TLK1: variants seen among roughly 807,000 people sequenced by gnomAD.
TLK1 encodes tousled like kinase 1.
Under a neutral mutation model 105.3 loss-of-function variants are expected in TLK1, and 24 were observed. The observed-to-expected ratio is 0.23, with a 90% CI of 0.17 to 0.32. The LOEUF is 0.32. Among genes scored for constraint, TLK1 ranks in the 10% least tolerant of loss-of-function variants. The pLI, the probability that TLK1 is intolerant of heterozygous loss-of-function variation, is 1.00. For missense variants in TLK1, 558 were observed against 910.5 expected (o/e 0.61, Z 4.98); for synonymous variants, 321 against 310.4 (o/e 1.03, Z -0.36).
intron 1 of TLK1, among the ~76,000 whole-genome samples, chr2:171,173,328 C>T (rs886735549): frequency 2.6e-5 from 4 of 152,182 alleles, no homozygotes; most frequent in East Asian, 1.9e-4. Flanking sequence ...GTGACTCATA[C>T]GGATCACATA....
intron 1 of TLK1, among the ~76,000 whole-genome samples, chr2:171,202,069 T>C (rs1056127382): frequency 9.2e-5 from 14 of 152,346 alleles, no homozygotes; most frequent in African/African-American, 3.1e-4. Context: ...GAGTTCTTAC[T>C]ATGCCTAAAA....
intron 1 of TLK1, among the ~76,000 whole-genome samples, chr2:171,132,917 C>A (rs1420802656): frequency 1.3e-5 from 2 of 152,180 alleles, no homozygotes; most frequent in African/African-American, 4.8e-5. Context: ...ACACAGTTAA[C>A]TCTCAGCAAC....
chr2:171,192,862 T>G (rs1693182234), intron 1 of TLK1, among the ~76,000 whole-genome samples: 1 of 152,194 alleles, frequency 6.6e-6, no homozygotes, highest in Non-Finnish European at 1.5e-5. Flanking sequence ...AGAAGGGTCT[T>G]GAACCTGTTC....
chr2:171,217,953 T>A (rs953115335), intron 1 of TLK1, among the ~76,000 whole-genome samples: 1 of 152,150 alleles, frequency 6.6e-6, no homozygotes, highest in Non-Finnish European at 1.5e-5. Flanking sequence ...AAACTTGGTG[T>A]ATTAAAACAA....
At position 171,050,091 on chromosome 2, in the gene TLK1, T is replaced by C. The variant is rs1241031218; in HGVS notation, c.816A>G (p.Ser272=). 5.0e-6 allele frequency: 8 copies of C among 1,601,290 alleles called. No individual in the cohort carries two copies. Among genetic ancestry groups the C allele is most frequent in the Non-Finnish European group, 6.8e-6 (8 of 1,172,258 alleles). Residue 272 remains serine, a synonymous_variant, in exon 9 of 21, where the codon TCA becomes TCG. Transcript: ENST00000431350. ...TTTCAATAAGAAGTTTCTTGCTCAT[T>C]GATATGCACTTATTTAATCGTTCTT... The part of the protein sequence containing the change: ...KYKERLNKCI[S]MSKKLLIEKS...
intron 1 of TLK1, among the ~76,000 whole-genome samples, chr2:171,146,277 T>C (rs1407620026): frequency 6.6e-6 from 1 of 151,726 alleles, no homozygotes; most frequent in Non-Finnish European, 1.5e-5. Context: ...TGAGCTATGA[T>C]TGCGCCACTA....
At chr2:171,202,156 T>C (rs1195586551) in intron 1 of TLK1, among the ~76,000 whole-genome samples, 1 of 152,214 alleles carries the variant, frequency 6.6e-6, no homozygotes, top group Non-Finnish European at 1.5e-5. Flanking sequence ...TTTTTGGGTA[T>C]AAGAATTTCC....
intron 18 of TLK1, among the ~76,000 whole-genome samples, chr2:170,999,132 C>A (rs574044472): frequency 6.6e-6 from 1 of 152,156 alleles, no homozygotes; most frequent in African/African-American, 2.4e-5. Context: ...AGTAAAAGAT[C>A]CATCACAAGG....
chr2:171,077,652 T>C (rs940099996), intron 3 of TLK1, among the ~76,000 whole-genome samples: 8 of 152,230 alleles, frequency 5.3e-5, no homozygotes, highest in African/African-American at 1.9e-4. Flanking sequence ...ACTATCACTT[T>C]TGGGTCTCAG....
intron 1 of TLK1, among the ~76,000 whole-genome samples, chr2:171,151,755 G>GT (rs1558970495): frequency 6.6e-6 from 1 of 152,108 alleles, no homozygotes; most frequent in African/African-American, 2.4e-5. Flanking sequence ...GATTACAGGC[G>GT]TGAGCCACCG....
At chr2:171,194,548 T>G (rs1346346323) in intron 1 of TLK1, among the ~76,000 whole-genome samples, 2 of 152,206 alleles carry the variant, frequency 1.3e-5, no homozygotes, top group African/African-American at 2.4e-5. Flanking sequence ...CTGGGCGCGG[T>G]GGCTCACGCC....
chr2:171,130,021 G>C (rs1379461562), intron 1 of TLK1, among the ~76,000 whole-genome samples: 2 of 152,162 alleles, frequency 1.3e-5, no homozygotes, highest in Admixed American at 6.5e-5. Context: ...AATACAGCCA[G>C]CTGTAAGGTT....
At chr2:171,171,918 G>GTATA (rs1296275109) in intron 1 of TLK1, among the ~76,000 whole-genome samples, 1 of 152,092 alleles carries the variant, frequency 6.6e-6, no homozygotes, top group Non-Finnish European at 1.5e-5. Flanking sequence ...TCATTCCTAG[G>GTATA]TATATACCCA....
intron 19 of TLK1, 63 bp from the exon 20 acceptor site, chr2:170,996,823 T>A: frequency 2.1e-6 from 3 of 1,402,902 alleles, no homozygotes; most frequent in Non-Finnish European, 2.9e-6. Flanking sequence ...CAGATATCAT[T>A]TCTGTTTAAG....
In TLK1 at chr2:171,056,482, G is replaced by A. The variant is rs1687506398; in HGVS notation, c.538C>T (p.Pro180Ser). The A allele has an allele frequency of 6.2e-7, 1 of 1,611,300 alleles. No individual in the cohort carries two copies. The highest frequency in any genetic ancestry group is 2.2e-5 in the East Asian group (1 of 44,768). The change falls in exon 6 of 21, where the codon CCT becomes TCT. Residue 180 changes from proline (P) to serine (S), a missense_variant. By Grantham distance (74) the Pro-to-Ser change is moderately conservative (BLOSUM62 -1). This residue lies in a region of TLK1 where 196 missense variants were observed against 239.3 expected (regional missense o/e 0.82). Transcript: ENST00000431350. ...SPQNSHSHST[P>S]SSSVRPNSPS... is the part of the protein sequence containing the mutation. ...GAAAGATGACTTACAGATGAGGAAGGAGTGGAATGTGAATGTGAATTTTGA... is the reference window on the plus strand; with the variant it reads ...GAAAGATGACTTACAGATGAGGAAGAAGTGGAATGTGAATGTGAATTTTGA...
intron 11 of TLK1, among the ~76,000 whole-genome samples, chr2:171,032,601 T>A (rs1031547356): frequency 6.6e-6 from 1 of 152,154 alleles, no homozygotes; most frequent in Non-Finnish European, 1.5e-5. Flanking sequence ...AAAGAGTTAA[T>A]TAAATGAAAA....
chr2:171,004,798 A>G (rs1246815968), intron 18 of TLK1, among the ~76,000 whole-genome samples: 1 of 152,234 alleles, frequency 6.6e-6, no homozygotes, highest in Middle Eastern at 3.2e-3. Context: ...CCTTGTTGCT[A>G]AAAGAAAAAA....
intron 3 of TLK1, among the ~76,000 whole-genome samples, chr2:171,070,099 A>C (rs971650106): frequency 2.0e-5 from 3 of 152,052 alleles, no homozygotes; most frequent in African/African-American, 7.2e-5. Context: ...ACTTTAAAAA[A>C]ATATCTTCAC....
chr2:170,993,821 C>A lies in TLK1; in HGVS notation c.2260G>T (p.Ala754Ser). 1 of 1,610,410 alleles carries A rather than the reference C, an allele frequency of 6.2e-7. No homozygotes were observed. Among genetic ancestry groups the A allele is most frequent in the East Asian group, 2.2e-5 (1 of 44,562 alleles). Residue 754 changes from alanine (A) to serine (S), a missense_variant, in exon 21 of 21, where the codon GCA (alanine) becomes TCA (serine). Ala to Ser is a moderately conservative substitution (Grantham distance 99). Around this residue, in one of 5 missense-constraint regions of TLK1, gnomAD observed 27 missense variants for 22.5 expected, o/e 1.20. Coordinates refer to ENST00000431350, the MANE Select transcript of TLK1 (RefSeq NM_012290.5). ...SGNLHMAGLTASPTPPSSSII... is the reference protein window; with the variant it reads ...SGNLHMAGLTSSPTPPSSSII... ...CTTGAAGAAGGGGGTGTAGGGGATG[C>A]TGTCAGCCCAGCCATGTGTAGGTTT...
Sources: allele counts gnomAD v4.1 joint callset (sites outside exome capture counted in the v4.1 genomes callset), GRCh38; gene constraint gnomAD v4.1.1; regional missense constraint gnomAD v4.1.1; transcripts MANE v1.5; gene names NCBI Gene and HGNC (gene_info 2026-07-23, HGNC 2026-07-21).